The following CCDC7 variants were observed in gnomAD, a reference collection of about 807,000 sequenced individuals.
CCDC7 encodes coiled-coil domain containing 7.
A neutral mutation model predicts 196.9 loss-of-function variants in CCDC7; 183 were observed. That is an observed-to-expected ratio of 0.93 (90% confidence interval 0.82 to 1.05). The LOEUF (loss-of-function observed/expected upper bound fraction) is 1.05, where lower values mean the gene tolerates loss of function less well. Ranked by LOEUF, CCDC7 falls within the 50% of genes least tolerant of loss-of-function variation. CCDC7 has a pLI of 0.00. For synonymous variants in CCDC7, 525 were observed against 484.6 expected, an observed-to-expected ratio of 1.08 and a Z score of -1.10; for missense variants, 1,540 against 1,482.2, an observed-to-expected ratio of 1.04 and a Z score of -0.64.
intron 9 of CCDC7, among the ~76,000 whole-genome samples, chr10:32,493,545 T>G (rs1222816492): frequency 6.6e-6 from 1 of 151,854 alleles, no homozygotes; most frequent in Admixed American, 6.6e-5. Flanking sequence ...TTCCTTTAGA[T>G]GTATACTCAG....
chr10:32,613,270 C>T (rs2062389997), intron 18 of CCDC7, among the ~76,000 whole-genome samples: 1 of 151,766 alleles, frequency 6.6e-6, no homozygotes, highest in East Asian at 1.9e-4. Flanking sequence ...TGGTGATATC[C>T]CCTTTATCGA....
intron 29 of CCDC7, 150 bp downstream of exon 30, chr10:32,779,234 A>G (rs1230901248): frequency 7.1e-6 from 4 of 564,278 alleles, no homozygotes; most frequent in Non-Finnish European, 1.2e-5. Context: ...CTACATGTCA[A>G]TTAAGTGTAT....
intron 20 of CCDC7, among the ~76,000 whole-genome samples, chr10:32,656,243 C>T (rs952739386): frequency 1.3e-5 from 2 of 152,100 alleles, no homozygotes; most frequent in Non-Finnish European, 2.9e-5. Context: ...TCTGGGCATA[C>T]AGTCAAAAGA....
intron 25 of CCDC7, among the ~76,000 whole-genome samples, chr10:32,726,290 A>T (rs2083109904): frequency 6.6e-6 from 1 of 151,738 alleles, no homozygotes; most frequent in Non-Finnish European, 1.5e-5. Context: ...TATGTAGAGT[A>T]TTTATATCAT....
intron 5 of CCDC7, among the ~76,000 whole-genome samples, chr10:32,467,645 A>G (rs1588875964): frequency 1.3e-5 from 2 of 152,078 alleles, no homozygotes; most frequent in Non-Finnish European, 2.9e-5. Context: ...TGGCATCTTC[A>G]TGGAGTCTTT....
At chr10:32,724,915 G>A (rs1246320401) in intron 25 of CCDC7, among the ~76,000 whole-genome samples, 1 of 152,112 alleles carries the variant, frequency 6.6e-6, no homozygotes, top group Non-Finnish European at 1.5e-5. Context: ...GGGATGGAAA[G>A]CTGTCTTCCA....
At position 32,731,928 on chromosome 10, in the gene CCDC7, C is replaced by T. The variant is rs191498133; in HGVS notation, c.2905+2471C>T. ...ATTAGCGGCGCATGGTGGCACGCGC[C>T]TGTAGTCCCGGCTACTTGGGAGGCT... On this transcript the variant is annotated intron_variant, in intron 28 of 41. Coordinates refer to ENST00000639629, the Ensembl canonical transcript of CCDC7. 3.3e-5 allele frequency among the ~76,000 whole-genome samples: 5 copies of T among 152,288 alleles called. No homozygotes were observed. In the East Asian group the frequency reaches 7.7e-4, roughly 24 times the overall value.
intron 41 of CCDC7, among the ~76,000 whole-genome samples, chr10:32,867,376 T>A (rs1006825161): frequency 5.3e-5 from 8 of 151,596 alleles, no homozygotes. Context: ...TAAATATTTA[T>A]CATGTTTATA....
At chr10:32,481,586 T>C (rs1279045788) in intron 8 of CCDC7, 1 of 152,220 alleles carries the variant, frequency 6.6e-6, no homozygotes, top group Non-Finnish European at 1.5e-5. Flanking sequence ...TTATGGTATG[T>C]AATTTTACTA....
At chr10:32,767,870 A>G (rs190507220) in intron 28 of CCDC7, among the ~76,000 whole-genome samples, 2 of 152,286 alleles carry the variant, frequency 1.3e-5, no homozygotes, top group African/African-American at 2.4e-5. Flanking sequence ...CAGATAACAT[A>G]GAGAAGGAAT....
At chr10:32,711,579 T>A in intron 24 of CCDC7, 41 bp from the exon 26 acceptor site, 1 of 1,211,154 alleles carries the variant, frequency 8.3e-7, no homozygotes, top group South Asian at 1.4e-5. Flanking sequence ...CATAGTAGAT[T>A]TGTTTTTCTA....
intron 8 of CCDC7, among the ~76,000 whole-genome samples, chr10:32,484,709 C>T (rs559441834): frequency 4.6e-5 from 7 of 151,984 alleles, no homozygotes; most frequent in South Asian, 2.1e-4. Flanking sequence ...TAGCATGAAG[C>T]GCTGTTGAAT....
At chr10:32,596,648 A>T (rs1229898345) in intron 18 of CCDC7, among the ~76,000 whole-genome samples, 1 of 152,130 alleles carries the variant, frequency 6.6e-6, no homozygotes. Flanking sequence ...ACAATTTGGC[A>T]TGTTTTTGCA....
chr10:32,614,010 A>G (rs2062481597), intron 18 of CCDC7, among the ~76,000 whole-genome samples: 1 of 152,198 alleles, frequency 6.6e-6, no homozygotes, highest in Non-Finnish European at 1.5e-5. Flanking sequence ...GTAGGGTGTT[A>G]ACGTCTCCCA....
chr10:32,728,951 A>C, exon 27 of CCDC7: 1 of 1,609,006 alleles, frequency 6.2e-7, no homozygotes, highest in Non-Finnish European at 8.5e-7. Context: ...CAAAACTCCA[A>C]ATGCAAGAAA....
intron 21 of CCDC7, among the ~76,000 whole-genome samples, chr10:32,685,201 C>T (rs2076330455): frequency 1.6e-5 from 1 of 64,074 alleles, no homozygotes; most frequent in Non-Finnish European, 2.8e-5. Context: ...CAAGTTTTCT[C>T]TTTTTTGGAT....
intron 41 of CCDC7, among the ~76,000 whole-genome samples, chr10:32,862,496 A>T (rs2094036406): frequency 6.6e-6 from 1 of 151,236 alleles, no homozygotes; most frequent in African/African-American, 2.4e-5. Flanking sequence ...AGCAAACCAC[A>T]TGTATACCTA....
At chr10:32,707,145 G>A (rs533576497) in intron 24 of CCDC7, among the ~76,000 whole-genome samples, 5 of 152,232 alleles carry the variant, frequency 3.3e-5, no homozygotes, top group African/African-American at 1.2e-4. Flanking sequence ...CTTCATCCCT[G>A]GAATGCAAGG....
intron 8 of CCDC7, among the ~76,000 whole-genome samples, chr10:32,479,145 C>T (rs988287248): frequency 2.0e-5 from 3 of 151,986 alleles, no homozygotes; most frequent in Admixed American, 6.6e-5. Context: ...TAGGGATGGT[C>T]CCTCTTTCTT....
Sources: gnomAD v4.1 joint callset for allele counts (sites outside exome capture counted in the v4.1 genomes callset) on GRCh38, gnomAD v4.1.1 for gene constraint, MANE v1.5 for transcripts, NCBI Gene and HGNC (gene_info 2026-07-23, HGNC 2026-07-21) for gene names.